The following NALF1 variants were observed in gnomAD, a reference collection of about 807,000 sequenced individuals.
NALF1 encodes the protein NALCN channel auxiliary factor 1.
In NALF1, 3 loss-of-function variants were observed where a neutral mutation model predicts 48.4. The ratio of observed to expected loss-of-function variants is 0.06; its 90% confidence interval spans 0.03 to 0.16. The LOEUF is 0.16. Ranked by LOEUF, NALF1 falls within the 10% of genes least tolerant of loss-of-function variation. The pLI, the probability that NALF1 is intolerant of heterozygous loss-of-function variation, is 1.00. For missense variants in NALF1, 526 were observed against 571.5 expected (o/e 0.92, Z 0.81); for synonymous variants, 262 against 245.7 (o/e 1.07, Z -0.62).
intron 1 of NALF1, among the ~76,000 whole-genome samples, chr13:107,507,837 C>T (rs918186527): frequency 1.3e-5 from 2 of 152,036 alleles, no homozygotes; most frequent in Non-Finnish European, 2.9e-5. Context: ...TTAGAAATCT[C>T]GAACTGCATT....
intron 1 of NALF1, among the ~76,000 whole-genome samples, chr13:107,810,794 C>CA (rs1239690951): frequency 2.0e-5 from 3 of 151,610 alleles, no homozygotes. Context: ...TTTTTGCATG[C>CA]AAAAAAAGTC....
At chr13:107,463,007 A>T (rs1162922726) in intron 1 of NALF1, among the ~76,000 whole-genome samples, 1 of 152,190 alleles carries the variant, frequency 6.6e-6, no homozygotes, top group Non-Finnish European at 1.5e-5. Context: ...ACACACATGG[A>T]TGTGCATAGG....
intron 1 of NALF1, among the ~76,000 whole-genome samples, chr13:107,816,530 A>T (rs1879168144): frequency 6.6e-6 from 1 of 152,174 alleles, no homozygotes; most frequent in South Asian, 2.1e-4. Flanking sequence ...AATCAGCCCC[A>T]CGATTCAATT....
chr13:107,215,799 T>C (rs963787191), intron 1 of NALF1, among the ~76,000 whole-genome samples: 1 of 152,172 alleles, frequency 6.6e-6, no homozygotes, highest in Admixed American at 6.5e-5. Context: ...TGAAGATAGC[T>C]AATCTGTGCA....
chr13:107,440,590 C>A (rs1884542157), intron 1 of NALF1, among the ~76,000 whole-genome samples: 7 of 152,006 alleles, frequency 4.6e-5, no homozygotes, highest in Admixed American at 4.6e-4. Context: ...AGTAGTAGAT[C>A]GATTGTTGAA....
intron 1 of NALF1, among the ~76,000 whole-genome samples, chr13:107,495,889 G>C (rs1025926512): frequency 1.3e-5 from 2 of 152,108 alleles, no homozygotes; most frequent in Admixed American, 6.6e-5. Context: ...CCTACATGCT[G>C]CTTCTCCAAA....
At position 107,189,608 on chromosome 13, in the gene NALF1, G is replaced by C. The variant is rs1238405962; in HGVS notation, c.1088-18822C>G. ...CAAAGCAGTGGGCATTGTCAGGATT[G>C]AATGACTTGTGTCTTTCCTTCCTAC... On this transcript the variant is annotated intron_variant, in intron 2 of 2. Transcript: ENST00000375915. Among the ~76,000 whole-genome samples the C allele has an allele frequency of 2.6e-5, 4 of 152,298 alleles. No homozygotes were observed. The East Asian group carries it at 7.7e-4, about 29-fold the overall frequency.
chr13:107,565,065 CA>C (rs71754551), intron 1 of NALF1, among the ~76,000 whole-genome samples: 334 of 23,174 alleles, frequency 0.014, 1 homozygote, highest in African/African-American at 0.035. Flanking sequence ...GTGATATCTG[CA>C]AAAAAAAAAA....
In NALF1 at chr13:107,427,423, T is replaced by C. The variant is rs895833088; in HGVS notation, c.916-216668A>G. Among the ~76,000 whole-genome samples the C allele has an allele frequency of 2.0e-5, 3 of 151,056 alleles. No homozygotes were observed. The Admixed American group carries it at 2.0e-4, about 10-fold the overall frequency. ...AAAATATGGCAATGATCTATTACAG[T>C]CATTTTGACTGTTTGGAAGAATTTT... On this transcript the variant is annotated intron_variant, in intron 1 of 2. Coordinates refer to ENST00000375915, the MANE Select transcript of NALF1 (RefSeq NM_001080396.3).
chr13:107,837,531 T>G (rs1013429188), intron 1 of NALF1, among the ~76,000 whole-genome samples: 6 of 152,036 alleles, frequency 3.9e-5, no homozygotes, highest in African/African-American at 1.4e-4. Context: ...GGATTTGGGG[T>G]GAGTTCTGTA....
At chr13:107,451,892 G>A in intron 1 of NALF1, among the ~76,000 whole-genome samples, 1 of 152,144 alleles carries the variant, frequency 6.6e-6, no homozygotes, top group East Asian at 1.9e-4. Context: ...TTACTGTGGA[G>A]ATGCAAATCC....
intron 1 of NALF1, among the ~76,000 whole-genome samples, chr13:107,288,431 G>T (rs111229174): frequency 0.076 from 11,566 of 151,566 alleles, 771 homozygotes; most frequent in East Asian, 0.33. Flanking sequence ...TGTTGGTCAG[G>T]CTGGTCTTGC....
At chr13:107,534,007 A>G (rs1029455656) in intron 1 of NALF1, among the ~76,000 whole-genome samples, 2 of 152,090 alleles carry the variant, frequency 1.3e-5, no homozygotes, top group African/African-American at 4.8e-5. Context: ...AATTACCTGT[A>G]AAAGGGAGAG....
chr13:107,345,786 C>A (rs777724410), intron 1 of NALF1, among the ~76,000 whole-genome samples: 6 of 152,140 alleles, frequency 3.9e-5, no homozygotes, highest in Non-Finnish European at 8.8e-5. Flanking sequence ...AAATAGACAA[C>A]AGGACTACAT....
chr13:107,263,411 C>T (rs1348501118), intron 1 of NALF1, among the ~76,000 whole-genome samples: 1 of 152,122 alleles, frequency 6.6e-6, no homozygotes, highest in Non-Finnish European at 1.5e-5. Context: ...TTTATGGCCA[C>T]TATAACCAAT....
chr13:107,456,218 A>T (rs1884823008), intron 1 of NALF1, among the ~76,000 whole-genome samples: 1 of 152,214 alleles, frequency 6.6e-6, no homozygotes, highest in South Asian at 2.1e-4. Context: ...ACCTGACACT[A>T]GAGTGCCTGT....
chr13:107,352,814 C>A (rs906702002), intron 1 of NALF1, among the ~76,000 whole-genome samples: 1 of 152,100 alleles, frequency 6.6e-6, no homozygotes, highest in South Asian at 2.1e-4. Context: ...CAAGAAGAGA[C>A]CTTTTCTTTG....
At chr13:107,187,450 T>C (rs1024042207) in intron 2 of NALF1, among the ~76,000 whole-genome samples, 2 of 152,134 alleles carry the variant, frequency 1.3e-5, no homozygotes, top group Non-Finnish European at 2.9e-5. Flanking sequence ...ACAGGCAGAA[T>C]TATCTGCAGG....
At chr13:107,299,472 A>AATAAT (rs1344151094) in intron 1 of NALF1, among the ~76,000 whole-genome samples, 2,032 of 29,942 alleles carry the variant, frequency 0.068, 23 homozygotes, top group Middle Eastern at 0.17. Flanking sequence ...TAATAATAAT[A>AATAAT]AATAAATAAA....
Sources: allele counts gnomAD v4.1 joint callset (sites outside exome capture counted in the v4.1 genomes callset), GRCh38; gene constraint gnomAD v4.1.1; transcripts MANE v1.5; gene names NCBI Gene and HGNC (gene_info 2026-07-23, HGNC 2026-07-21).